Variants in ENOX1 observed in about 807,000 individuals in gnomAD.
ENOX1 encodes ecto-NOX disulfide-thiol exchanger 1.
A neutral mutation model predicts 82.5 loss-of-function variants in ENOX1; 42 were observed. That is an observed-to-expected ratio of 0.51 (90% CI 0.40 to 0.66). ENOX1 has a LOEUF of 0.66. Among genes scored for constraint, ENOX1 ranks in the 30% least tolerant of loss-of-function variants. The pLI, the probability that ENOX1 is intolerant of heterozygous loss-of-function variation, is 0.00. For missense variants in ENOX1, 608 were observed against 811.6 expected (o/e 0.75, Z 3.05); for synonymous variants, 271 against 282.2 (o/e 0.96, Z 0.40).
chr13:43,389,260 T>C (rs1452495056), intron 5 of ENOX1, among the ~76,000 whole-genome samples: 2 of 152,192 alleles, frequency 1.3e-5, no homozygotes, highest in African/African-American at 4.8e-5. Flanking sequence ...AAGTCAAAGA[T>C]ACTAACTGCA....
chr13:43,237,315 G>A (rs1162902269), intron 14 of ENOX1, among the ~76,000 whole-genome samples: 3 of 152,156 alleles, frequency 2.0e-5, no homozygotes, highest in African/African-American at 7.2e-5. Flanking sequence ...AATAACACGT[G>A]AAACATTGAG....
chr13:43,618,972 C>A (rs2082604893), intron 2 of ENOX1, among the ~76,000 whole-genome samples: 1 of 125,696 alleles, frequency 8.0e-6, no homozygotes, highest in African/African-American at 2.9e-5. Context: ...TAGGTATAGT[C>A]CTAAATTTTT....
rs1952582648 is a variant in ENOX1, at chr13:43,786,028, G to A, written c.-285+624C>T. ...CTTTACCTCGCGTTGGGCCAGGCAGGGCGCGCTCCCGCCGACGAAGACCTG... is the reference window on the plus strand; with the variant it reads ...CTTTACCTCGCGTTGGGCCAGGCAGAGCGCGCTCCCGCCGACGAAGACCTG... On this transcript the variant is annotated intron_variant, in intron 1 of 16. Coordinates refer to ENST00000690772, the MANE Select transcript of ENOX1 (RefSeq NM_001347969.2). The surrounding 1 kb of genome is among the most constrained non-coding windows in gnomAD (Gnocchi z 6.0). 6.6e-6 allele frequency among the ~76,000 whole-genome samples: 1 copy of A among 152,158 alleles called. No homozygotes were observed. Among genetic ancestry groups the A allele is most frequent in the Admixed American group, 6.5e-5 (1 of 15,276 alleles).
At chr13:43,265,300 G>T in intron 14 of ENOX1, 98 bp downstream of exon 14, 1 of 1,012,628 alleles carries the variant, frequency 9.9e-7, no homozygotes. Flanking sequence ...GACAGGCAGA[G>T]CTTCTGATTT....
intron 1 of ENOX1, among the ~76,000 whole-genome samples, chr13:43,709,430 T>G (rs923369149): frequency 3.9e-5 from 6 of 152,152 alleles, no homozygotes; most frequent in African/African-American, 1.2e-4. Context: ...AAATTATAAT[T>G]TTAAGTACAT....
At chr13:43,734,052 T>C (rs2089483500) in intron 1 of ENOX1, among the ~76,000 whole-genome samples, 2 of 152,142 alleles carry the variant, frequency 1.3e-5, no homozygotes, top group African/African-American at 2.4e-5. Context: ...AGTGCTGCTG[T>C]GTAAGCCAAG....
chr13:43,705,788 G>T (rs2087240203), intron 1 of ENOX1, among the ~76,000 whole-genome samples: 1 of 152,072 alleles, frequency 6.6e-6, no homozygotes, highest in East Asian at 1.9e-4. Flanking sequence ...GAATGCAGAA[G>T]ATTTGAACAT....
At chr13:43,733,921 T>C (rs1048318435) in intron 1 of ENOX1, among the ~76,000 whole-genome samples, 4 of 152,080 alleles carry the variant, frequency 2.6e-5, no homozygotes, top group Non-Finnish European at 5.9e-5. Flanking sequence ...ACTGTGCCAC[T>C]GCAATACAGC....
At chr13:43,508,929 C>G (rs1436565338) in intron 2 of ENOX1, among the ~76,000 whole-genome samples, 2 of 151,878 alleles carry the variant, frequency 1.3e-5, no homozygotes, top group Non-Finnish European at 2.9e-5. Flanking sequence ...CATATATATG[C>G]ATTTATTGAT....
chr13:43,512,967 A>G (rs1432150133), intron 2 of ENOX1, among the ~76,000 whole-genome samples: 1 of 152,116 alleles, frequency 6.6e-6, no homozygotes, highest in African/African-American at 2.4e-5. Context: ...GACTGCCACC[A>G]TGGAGTTTAT....
chr13:43,721,376 C>CTTTTTTTTTTTT (rs761888585), intron 1 of ENOX1, among the ~76,000 whole-genome samples: 1 of 107,620 alleles, frequency 9.3e-6, no homozygotes, highest in African/African-American at 3.8e-5. Context: ...TATTTTATAT[C>CTTTTTTTTTTTT]TTTTTTTTTT....
chr13:43,764,931 A>T (rs1410214412), intron 1 of ENOX1, among the ~76,000 whole-genome samples: 2 of 152,226 alleles, frequency 1.3e-5, no homozygotes. Flanking sequence ...ACTAGGGCTA[A>T]GGTCATGAGG....
chr13:43,698,953 C>G (rs1362796840), intron 1 of ENOX1, among the ~76,000 whole-genome samples: 2 of 152,212 alleles, frequency 1.3e-5, no homozygotes, highest in East Asian at 1.9e-4. Context: ...AAGCAAGACT[C>G]TCTTTGGCAC....
chr13:43,400,290 T>G (rs935966910), intron 5 of ENOX1, among the ~76,000 whole-genome samples: 3 of 152,178 alleles, frequency 2.0e-5, no homozygotes, highest in African/African-American at 7.2e-5. Flanking sequence ...AGCCCACTTA[T>G]CCTCAGCAGA....
intron 11 of ENOX1, among the ~76,000 whole-genome samples, chr13:43,307,327 T>C (rs1477098022): frequency 2.0e-5 from 3 of 152,246 alleles, no homozygotes; most frequent in Non-Finnish European, 4.4e-5. Flanking sequence ...TGTACCACTT[T>C]GGTATCTCTT....
intron 2 of ENOX1, among the ~76,000 whole-genome samples, chr13:43,655,683 C>A (rs918536322): frequency 7.2e-5 from 11 of 152,224 alleles, no homozygotes; most frequent in Admixed American, 3.9e-4. Flanking sequence ...TCCTTTGATT[C>A]TCCTCTTCCT....
intron 5 of ENOX1, among the ~76,000 whole-genome samples, chr13:43,396,150 G>A (rs1391891132): frequency 6.6e-6 from 1 of 152,122 alleles, no homozygotes; most frequent in Non-Finnish European, 1.5e-5. Flanking sequence ...TCTGGTACTG[G>A]TTACTCAGCA....
chr13:43,691,370 T>C (rs9525826), intron 1 of ENOX1, among the ~76,000 whole-genome samples: 10,507 of 151,670 alleles, frequency 0.069, 454 homozygotes, highest in Non-Finnish European at 0.095. Context: ...TTCTCTGGAA[T>C]CCATCCTACT....
chr13:43,576,452 C>A, intron 2 of ENOX1, among the ~76,000 whole-genome samples: 1 of 152,172 alleles, frequency 6.6e-6, no homozygotes, highest in Non-Finnish European at 1.5e-5. Flanking sequence ...TCTTTCTCCT[C>A]AGACCTGTGA....
Sources: allele counts gnomAD v4.1 joint callset (sites outside exome capture counted in the v4.1 genomes callset), GRCh38; gene constraint gnomAD v4.1.1; non-coding constraint Gnocchi (gnomAD v3.1); transcripts MANE v1.5; gene names NCBI Gene and HGNC (gene_info 2026-07-23, HGNC 2026-07-21).